Variants in KDM3B observed in about 807,000 individuals in gnomAD.
KDM3B encodes lysine demethylase 3B.
A neutral mutation model predicts 170.0 loss-of-function variants in KDM3B; 10 were observed. The ratio of observed to expected loss-of-function variants is 0.06; its 90% CI spans 0.04 to 0.10. The LOEUF is 0.10. Among genes scored for constraint, KDM3B ranks in the 10% least tolerant of loss-of-function variants. The pLI, the probability that KDM3B is intolerant of heterozygous loss-of-function variation, is 1.00. For missense variants in KDM3B, 1,394 were observed against 2,195.2 expected, an observed-to-expected ratio of 0.64 and a Z score of 7.29; for synonymous variants, 831 against 834.8, an observed-to-expected ratio of 1.00 and a Z score of 0.08.
chr5:138,392,326 T>C, intron 8 of KDM3B, 65 bp downstream of exon 8: 1 of 1,417,682 alleles, frequency 7.1e-7, no homozygotes, highest in Non-Finnish European at 9.3e-7. Flanking sequence ...TGTCGTGTTC[T>C]TGTGCAGCAG....
intron 2 of KDM3B, among the ~76,000 whole-genome samples, chr5:138,373,181 A>C (rs1012653952): frequency 6.6e-5 from 10 of 152,046 alleles, no homozygotes; most frequent in Non-Finnish European, 1.5e-4. Context: ...CTCTACAAAA[A>C]ATACAAAAAT....
Position 138,372,778 on chromosome 5 carries a change from G to A in KDM3B, c.297G>A (p.Ala99=), listed in dbSNP as rs947637048. 1.7e-5 allele frequency: 27 copies of A among 1,613,962 alleles called. No homozygotes were observed. Among genetic ancestry groups the A allele is most frequent in the Admixed American group, 3.3e-5 (2 of 59,986 alleles). Residue 99 remains alanine, a synonymous_variant, in exon 2 of 24, where the codon GCG becomes GCA. Transcript: ENST00000314358. The part of the protein sequence containing the change: ...VLLLEGSLVW[A]PREDPVLLQG... ...TGCTGGAAGGGTCTCTTGTATGGGC[G>A]CCCCGTGAGGACCCAGTCCTTCTCC...
rs542611087 is a variant in KDM3B at position 138,407,079 on chromosome 5, G to A, written c.3199+7067G>A. 2.7e-5 allele frequency among the ~76,000 whole-genome samples: 4 copies of A among 148,754 alleles called. 1 individual carries two copies. Among genetic ancestry groups the A allele is most frequent in the East Asian group, 2.0e-4 (1 of 4,966 alleles). ...CAGCCCACTGCAACCTCCATCTCCCGGGTTCAAGCGATTCTCCTGCCCCAG... is the reference window on the plus strand; with the variant it reads ...CAGCCCACTGCAACCTCCATCTCCCAGGTTCAAGCGATTCTCCTGCCCCAG... On this transcript the variant is annotated intron_variant, in intron 11 of 23. Transcript: ENST00000314358.
intron 9 of KDM3B, among the ~76,000 whole-genome samples, chr5:138,396,497 G>T (rs1762550656): frequency 6.6e-6 from 1 of 152,180 alleles, no homozygotes; most frequent in African/African-American, 2.4e-5. Flanking sequence ...AAATTTATGT[G>T]CTGGCAGCAG....
rs1279712563 is a variant in KDM3B at position 138,436,570 on chromosome 5, T to A, written c.*870T>A. On this transcript the variant is annotated 3_prime_UTR_variant, in exon 24 of 24. Transcript: ENST00000314358. ...TAGTCTTACCTTGAGGGAACAGTCA[T>A]ATGAGAAGGAACTTTGTCACATCTA... is the stretch of plus-strand genomic sequence containing the variant. 1.3e-5 allele frequency: 2 copies of A among 152,202 alleles called. No homozygotes were observed. The highest frequency in any genetic ancestry group is 2.9e-5 in the Non-Finnish European group (2 of 68,042). 9.4% of individuals were successfully genotyped at this position (152,202 alleles called of 1,614,324 possible).
chr5:138,375,860 A>G (rs1409932874), intron 3 of KDM3B, among the ~76,000 whole-genome samples: 1 of 151,714 alleles, frequency 6.6e-6, no homozygotes, highest in Non-Finnish European at 1.5e-5. Flanking sequence ...TATTATTAGT[A>G]GAGATGGGGT....
At chr5:138,365,036 C>A (rs1321913340) in intron 1 of KDM3B, among the ~76,000 whole-genome samples, 4 of 152,206 alleles carry the variant, frequency 2.6e-5, no homozygotes, top group African/African-American at 9.7e-5. Context: ...AGATATTCAA[C>A]TCATGCATCT....
intron 11 of KDM3B, among the ~76,000 whole-genome samples, chr5:138,408,823 C>T (rs1332515902): frequency 6.6e-6 from 1 of 152,158 alleles, no homozygotes; most frequent in Non-Finnish European, 1.5e-5. Context: ...AATCATTTGT[C>T]TAAATTATCA....
chr5:138,389,782 C>CTCTCTGTGTG (rs1554128165), intron 7 of KDM3B, among the ~76,000 whole-genome samples: 1 of 143,558 alleles, frequency 7.0e-6, no homozygotes, highest in African/African-American at 2.6e-5. Context: ...CTCTCTCTCT[C>CTCTCTGTGTG]TGTGTGTGTG....
At chr5:138,424,364 A>G (rs1389795940) in intron 16 of KDM3B, 23 bp downstream of exon 16, 6 of 1,605,760 alleles carry the variant, frequency 3.7e-6, no homozygotes, top group Non-Finnish European at 5.1e-6. Flanking sequence ...AAGTCGTTCC[A>G]AGGGCCAATT....
In KDM3B at chr5:138,352,915, T is replaced by C. The variant is rs1427168341; in HGVS notation, c.120T>C (p.Pro40=). The C allele has an allele frequency of 1.5e-6, 2 of 1,356,678 alleles. No homozygotes were observed. Among genetic ancestry groups the C allele is most frequent in the Non-Finnish European group, 1.9e-6 (2 of 1,054,014 alleles). The allele number at this position is 1,356,678 out of a possible 1,614,324, so 84.0% of individuals were successfully genotyped here. Residue 40 remains proline (P), a synonymous_variant, in exon 1 of 24, where the codon CCT becomes CCC. Coordinates refer to ENST00000314358, the MANE Select transcript of KDM3B (RefSeq NM_016604.4). ...AAAAASGDPG[P]ALRTRAWRAG... ...CAGCGGCGAGCGGAGATCCGGGGCC[T>C]GCGCTGCGCACTCGAGCCTGGCGGG...
intron 1 of KDM3B, among the ~76,000 whole-genome samples, chr5:138,370,901 T>C (rs1389322575): frequency 6.6e-6 from 1 of 152,008 alleles, no homozygotes; most frequent in African/African-American, 2.4e-5. Context: ...CTCCGCCTCC[T>C]GGGTTCAAGT....
chr5:138,355,705 C>T (rs1384254389), intron 1 of KDM3B, among the ~76,000 whole-genome samples: 1 of 151,992 alleles, frequency 6.6e-6, no homozygotes, highest in Admixed American at 6.6e-5. Context: ...CTTTGTGTTC[C>T]TAAATCATTA....
intron 1 of KDM3B, among the ~76,000 whole-genome samples, chr5:138,353,812 C>A (rs372499603): frequency 1.3e-5 from 2 of 152,126 alleles, no homozygotes; most frequent in African/African-American, 4.8e-5. Flanking sequence ...AGTCATACAA[C>A]TTAACTAGCA....
chr5:138,422,327 A>C (rs1236589996), intron 15 of KDM3B, among the ~76,000 whole-genome samples: 1 of 152,154 alleles, frequency 6.6e-6, no homozygotes, highest in Admixed American at 6.6e-5. Flanking sequence ...TGAATTCATA[A>C]GGTACAATAT....
intron 11 of KDM3B, among the ~76,000 whole-genome samples, chr5:138,405,812 AG>A (rs1762804342): frequency 6.6e-6 from 1 of 150,920 alleles, no homozygotes; most frequent in African/African-American, 2.4e-5. Context: ...AATATATAAT[AG>A]CAGCACAGAG....
chr5:138,413,062 A>G (rs1763014467), intron 11 of KDM3B, among the ~76,000 whole-genome samples: 1 of 152,194 alleles, frequency 6.6e-6, no homozygotes, highest in South Asian at 2.1e-4. Context: ...AGAAATTATT[A>G]TGTCCACTAG....
intron 18 of KDM3B, 56 bp downstream of exon 18, chr5:138,427,121 A>C: frequency 5.0e-6 from 8 of 1,606,544 alleles, no homozygotes; most frequent in Non-Finnish European, 6.8e-6. Context: ...AATCACAGAA[A>C]AGTGAAATTT....
At chr5:138,354,392 A>G (rs1761402576) in intron 1 of KDM3B, among the ~76,000 whole-genome samples, 1 of 152,342 alleles carries the variant, frequency 6.6e-6, no homozygotes, top group South Asian at 2.1e-4. Flanking sequence ...TGGGATGGGA[A>G]AAGAAGTGTC....
Sources: gnomAD v4.1 joint callset for allele counts (sites outside exome capture counted in the v4.1 genomes callset) on GRCh38, gnomAD v4.1.1 for gene constraint, MANE v1.5 for transcripts, NCBI Gene and HGNC (gene_info 2026-07-23, HGNC 2026-07-21) for gene names.